BCAP31: variants seen among roughly 807,000 people sequenced by gnomAD.
BCAP31 encodes B-cell receptor-associated protein 31.
For synonymous variants in BCAP31, 75 were observed against 80.9 expected, an observed-to-expected ratio of 0.93 and a Z score of 0.39; for missense variants, 124 against 193.0, an observed-to-expected ratio of 0.64 and a Z score of 2.12.
chrX:153,724,215 C>T, intron 1 of BCAP31, 119 bp downstream of exon 1: 1 of 217,227 alleles, frequency 4.6e-6, no homozygotes, highest in South Asian at 4.5e-5. Context: ...AGGTAGGCTG[C>T]GGGCCCCGAG....
intron 4 of BCAP31, among the ~76,000 whole-genome samples, chrX:153,707,070 C>G (rs1351714577): frequency 2.7e-5 from 3 of 111,293 alleles, no homozygotes; most frequent in Non-Finnish European, 3.8e-5. Flanking sequence ...ACGCCTGGCT[C>G]TGTGTGGCAG....
At chrX:153,713,528 C>G (rs782816285) in intron 4 of BCAP31, among the ~76,000 whole-genome samples, 6 of 112,157 alleles carry the variant, frequency 5.3e-5, no homozygotes, top group Non-Finnish European at 1.1e-4. Context: ...TCAACCCTCC[C>G]CAGGTCAATT....
intron 4 of BCAP31, among the ~76,000 whole-genome samples, chrX:153,713,186 G>A (rs782029264): frequency 1.9e-4 from 21 of 110,777 alleles, no homozygotes; most frequent in African/African-American, 6.9e-4. Flanking sequence ...CTGCCTGGGC[G>A]ACAGAGTGAG....
chrX:153,702,495 T>C, intron 6 of BCAP31: 1 of 180,141 alleles, frequency 5.6e-6, no homozygotes, highest in Non-Finnish European at 1.0e-5. Context: ...GCCTGTGGTA[T>C]TGGGGGAAAA....
intron 3 of BCAP31, among the ~76,000 whole-genome samples, chrX:153,719,891 G>A (rs1342770774): frequency 1.8e-5 from 2 of 111,887 alleles, no homozygotes; most frequent in Non-Finnish European, 3.8e-5. Context: ...CCTTATCCCA[G>A]AGCCTGCTTG....
chrX:153,705,749 T>C (rs2091550037), intron 4 of BCAP31, among the ~76,000 whole-genome samples: 2 of 111,205 alleles, frequency 1.8e-5, no homozygotes, highest in African/African-American at 6.5e-5. Flanking sequence ...CCCAGTGATG[T>C]AGAAAGAGGA....
At chrX:153,709,748 C>T (rs183980553) in intron 4 of BCAP31, among the ~76,000 whole-genome samples, 32 of 113,224 alleles carry the variant, frequency 2.8e-4, no homozygotes, top group African/African-American at 9.6e-4. Context: ...AACCCAGGCA[C>T]GCACCTAAAG....
At chrX:153,708,085 A>C (rs1343965196) in intron 4 of BCAP31, among the ~76,000 whole-genome samples, 1 of 113,239 alleles carries the variant, frequency 8.8e-6, no homozygotes, top group African/African-American at 3.2e-5. Flanking sequence ...AAAAAAGGCC[A>C]GTGAACGAAA....
chrX:153,701,889 G>A, intron 7 of BCAP31, 118 bp downstream of exon 7: 2 of 608,396 alleles, frequency 3.3e-6, no homozygotes, highest in South Asian at 3.0e-5. Context: ...TGGCCAGGGG[G>A]AGTGGTGGAG....
chrX:153,714,128 C>A (rs1218842891), intron 4 of BCAP31, among the ~76,000 whole-genome samples: 1 of 109,282 alleles, frequency 9.2e-6, no homozygotes, highest in African/African-American at 3.3e-5. Flanking sequence ...CCACCTGCCT[C>A]GGCCTCCCAA....
chrX:153,701,985 G>C (rs782192385), intron 7 of BCAP31, 22 bp downstream of exon 7: 1 of 1,196,563 alleles, frequency 8.4e-7, no homozygotes, highest in East Asian at 3.0e-5. Flanking sequence ...TGCCCTGGGC[G>C]CAGCAATACG....
intron 2 of BCAP31, chrX:153,721,195 G>T (rs1186664465): frequency 2.8e-6 from 1 of 357,440 alleles, no homozygotes; most frequent in African/African-American, 2.6e-5. Context: ...CAGCACTTTG[G>T]GAGACCAAGG....
At chrX:153,723,326 G>C in intron 1 of BCAP31, 38 bp from the exon 2 acceptor site, 1 of 1,163,907 alleles carries the variant, frequency 8.6e-7, no homozygotes, top group African/African-American at 1.8e-5. Context: ...TGTAAGCGCT[G>C]GGCAGCCAAG....
chrX:153,723,357 T>C lies in BCAP31; in HGVS notation c.-44-69A>G, dbSNP rs568469097. On this transcript the variant is annotated intron_variant, in intron 1 of 7. Coordinates refer to ENST00000345046, the MANE Select transcript of BCAP31 (RefSeq NM_001256447.2). ...CCAAGAACATCCAGTTCAGTTACCCTGCGAGGCTGGGGCCGCCACTCTCCA... is the reference window on the plus strand; with the variant it reads ...CCAAGAACATCCAGTTCAGTTACCCCGCGAGGCTGGGGCCGCCACTCTCCA... The C allele has an allele frequency of 2.5e-4, 280 of 1,138,620 alleles. 1 individual carries two copies. In the South Asian group the frequency reaches 5.5e-3, roughly 22 times the overall value. 93.8% of individuals were successfully genotyped at this position (1,138,620 alleles called of 1,213,427 possible).
intron 3 of BCAP31, among the ~76,000 whole-genome samples, chrX:153,717,347 G>A (rs1285969154): frequency 7.1e-5 from 8 of 112,567 alleles, no homozygotes; most frequent in African/African-American, 1.6e-4. Context: ...CTGAGACATC[G>A]TTTTAAGTCA....
chrX:153,704,671 C>T (rs782069375), intron 4 of BCAP31: 2 of 113,187 alleles, frequency 1.8e-5, no homozygotes, highest in Admixed American at 1.9e-4. Flanking sequence ...TGCCTGACTC[C>T]AGAACCTGAG....
intron 3 of BCAP31, among the ~76,000 whole-genome samples, chrX:153,716,674 C>T (rs782653321): frequency 9.0e-6 from 1 of 110,607 alleles, no homozygotes; most frequent in Admixed American, 9.6e-5. Context: ...ACAGGAAGAT[C>T]GCTTGAGCCC....
intron 4 of BCAP31, among the ~76,000 whole-genome samples, chrX:153,708,623 GA>G (rs782502596): frequency 8.9e-6 from 1 of 112,541 alleles, no homozygotes; most frequent in African/African-American, 3.2e-5. Context: ...AGCTGTGGAA[GA>G]AAAAAAATGA....
chrX:153,701,047 T>C, intron 7 of BCAP31, 72 bp from the exon 8 acceptor site: 1 of 982,535 alleles, frequency 1.0e-6, no homozygotes, highest in Non-Finnish European at 1.4e-6. Context: ...TCCAGCCCCA[T>C]GCCCCAGAGG....
Sources: gnomAD v4.1 joint callset for allele counts (sites outside exome capture counted in the v4.1 genomes callset) on GRCh38, gnomAD v4.1.1 for gene constraint, MANE v1.5 for transcripts, NCBI Gene and HGNC (gene_info 2026-07-23, HGNC 2026-07-21) for gene names.